Variants in DENND1B observed in about 807,000 individuals in gnomAD.
DENND1B encodes the protein DENN domain-containing protein 1B.
A neutral mutation model predicts 90.1 loss-of-function variants in DENND1B; 59 were observed. The observed-to-expected ratio is 0.65, with a 90% confidence interval of 0.53 to 0.81. The LOEUF (loss-of-function observed/expected upper bound fraction) is 0.81, where lower values mean the gene tolerates loss of function less well. Among genes scored for constraint, DENND1B ranks in the 40% least tolerant of loss-of-function variants. The pLI is 0.00. For synonymous variants in DENND1B, 337 were observed against 324.6 expected, an observed-to-expected ratio of 1.04 and a Z score of -0.41; for missense variants, 862 against 912.6, an observed-to-expected ratio of 0.94 and a Z score of 0.71.
intron 2 of DENND1B, among the ~76,000 whole-genome samples, chr1:197,745,307 G>A (rs1311100341): frequency 1.3e-5 from 2 of 152,130 alleles, no homozygotes; most frequent in East Asian, 3.9e-4. Flanking sequence ...TCCTCACTAA[G>A]CTTTATCACT....
chr1:197,570,923 A>T (rs949331183), intron 15 of DENND1B, among the ~76,000 whole-genome samples: 1 of 152,222 alleles, frequency 6.6e-6, no homozygotes, highest in Non-Finnish European at 1.5e-5. Context: ...CAGTATTAGA[A>T]AGGTTCATAA....
At position 197,775,168 on chromosome 1, in the gene DENND1B, G is replaced by T; in HGVS notation, c.-13C>A. On this transcript the variant is annotated 5_prime_UTR_variant, in exon 1 of 23. Coordinates refer to ENST00000620048, the MANE Select transcript of DENND1B (RefSeq NM_001195215.2). ...TCCTGCAGTCCATGGTTACATGTCGGTGTGGGGCTGTCCGTCCGGCCCCCG... is the reference window on the plus strand; with the variant it reads ...TCCTGCAGTCCATGGTTACATGTCGTTGTGGGGCTGTCCGTCCGGCCCCCG... The T allele has an allele frequency of 3.9e-6, 5 of 1,290,852 alleles. No homozygotes were observed. The highest frequency in any genetic ancestry group is 4.9e-6 in the Non-Finnish European group (5 of 1,012,624). The allele number at this position is 1,290,852 out of a possible 1,614,324, so 80.0% of individuals were successfully genotyped here. A position where few individuals can be genotyped will look rare whatever the true frequency, so the allele number is the denominator to read the frequency against.
At chr1:197,725,553 C>T (rs186604678) in intron 2 of DENND1B, among the ~76,000 whole-genome samples, 16 of 151,630 alleles carry the variant, frequency 1.1e-4, no homozygotes, top group African/African-American at 3.1e-4. Context: ...TGCAAGATAA[C>T]CTATATGCCC....
intron 1 of DENND1B, 59 bp from the exon 2 acceptor site, chr1:197,772,991 G>A (rs1345510776): frequency 2.9e-6 from 4 of 1,357,700 alleles, no homozygotes; most frequent in Admixed American, 4.0e-5. Context: ...CATGAAACTT[G>A]TATTTTCTTA....
chr1:197,574,095 A>G (rs1027361201), intron 15 of DENND1B, among the ~76,000 whole-genome samples: 2 of 152,224 alleles, frequency 1.3e-5, no homozygotes, highest in African/African-American at 4.8e-5. Flanking sequence ...GGCCAGGGCT[A>G]TCAGGCAAGA....
intron 20 of DENND1B, among the ~76,000 whole-genome samples, chr1:197,525,646 A>T (rs887103220): frequency 1.3e-5 from 2 of 152,112 alleles, no homozygotes; most frequent in African/African-American, 4.8e-5. Flanking sequence ...ATGTTTTCAA[A>T]AAATATACAG....
At chr1:197,662,025 T>C (rs1445384999) in intron 5 of DENND1B, among the ~76,000 whole-genome samples, 1 of 152,080 alleles carries the variant, frequency 6.6e-6, no homozygotes, top group East Asian at 1.9e-4. Flanking sequence ...TTATTACTGT[T>C]TTTTACATGT....
intron 2 of DENND1B, among the ~76,000 whole-genome samples, chr1:197,721,061 C>T (rs1003068913): frequency 2.2e-5 from 3 of 135,186 alleles, no homozygotes; most frequent in South Asian, 2.4e-4. Context: ...GCCTGAGAAA[C>T]GGCATTTTTT....
intron 3 of DENND1B, among the ~76,000 whole-genome samples, chr1:197,692,112 G>T (rs562442096): frequency 3.6e-4 from 54 of 150,168 alleles, no homozygotes; most frequent in African/African-American, 1.2e-3. Context: ...TAGATCTCAT[G>T]TATCTGTGCC....
At chr1:197,559,566 T>C (rs1671993359) in intron 15 of DENND1B, among the ~76,000 whole-genome samples, 1 of 151,942 alleles carries the variant, frequency 6.6e-6, no homozygotes, top group South Asian at 2.1e-4. Flanking sequence ...AGGTAACTAA[T>C]AGATTCAAGT....
chr1:197,610,350 G>A (rs188274104), intron 12 of DENND1B, among the ~76,000 whole-genome samples: 2 of 150,242 alleles, frequency 1.3e-5, no homozygotes, highest in African/African-American at 4.9e-5. Flanking sequence ...AGGTATCCAA[G>A]AATATATGAT....
At chr1:197,670,700 C>T (rs1558382644) in intron 5 of DENND1B, among the ~76,000 whole-genome samples, 1 of 152,052 alleles carries the variant, frequency 6.6e-6, no homozygotes, top group East Asian at 1.9e-4. Flanking sequence ...AAATCCATCT[C>T]GGGCACAGTG....
intron 2 of DENND1B, among the ~76,000 whole-genome samples, chr1:197,764,287 G>C (rs1273956590): frequency 6.6e-6 from 1 of 152,118 alleles, no homozygotes; most frequent in Non-Finnish European, 1.5e-5. Context: ...CTGAAGTGAA[G>C]ACAAATGGAA....
chr1:197,649,555 A>G (rs1447101364), intron 7 of DENND1B, among the ~76,000 whole-genome samples: 1 of 152,202 alleles, frequency 6.6e-6, no homozygotes, highest in Non-Finnish European at 1.5e-5. Context: ...AGAACCCAGA[A>G]ATAAACCCAA....
rs373439877 is a variant in DENND1B, at chr1:197,510,586, T to C, written c.2202A>G (p.Lys734=). 7.3e-5 allele frequency: 117 copies of C among 1,612,678 alleles called. No individual in the cohort carries two copies. The highest frequency in any genetic ancestry group is 9.6e-5 in the Non-Finnish European group (113 of 1,179,212). ...STFVPWEKEG[K]EAKETSEDIG... ...TATCTTCTGAAGTCTCTTTGGCTTCTTTCCCTTCTTTCTCCCAAGGAACAA... is the reference window on the plus strand; with the variant it reads ...TATCTTCTGAAGTCTCTTTGGCTTCCTTCCCTTCTTTCTCCCAAGGAACAA... The change falls in exon 23 of 23, where the codon AAA becomes AAG. Residue 734 remains lysine, a synonymous_variant. Coordinates refer to ENST00000620048, the MANE Select transcript of DENND1B (RefSeq NM_001195215.2).
At chr1:197,645,001 C>T (rs1323478690) in intron 9 of DENND1B, among the ~76,000 whole-genome samples, 1 of 151,858 alleles carries the variant, frequency 6.6e-6, no homozygotes, top group Non-Finnish European at 1.5e-5. Context: ...CATAGTTATC[C>T]AAAATCATAA....
chr1:197,762,426 T>G (rs1387446436), intron 2 of DENND1B, among the ~76,000 whole-genome samples: 2 of 152,100 alleles, frequency 1.3e-5, no homozygotes, highest in Non-Finnish European at 2.9e-5. Context: ...GCCACCAAGC[T>G]TTTTAAATAA....
intron 2 of DENND1B, among the ~76,000 whole-genome samples, chr1:197,760,909 G>A (rs1188196015): frequency 1.3e-5 from 2 of 152,098 alleles, no homozygotes; most frequent in Admixed American, 6.5e-5. Context: ...TCCACGTTTA[G>A]GGTATACAGT....
intron 2 of DENND1B, among the ~76,000 whole-genome samples, chr1:197,719,783 A>G (rs1660986506): frequency 6.6e-5 from 10 of 152,238 alleles, no homozygotes; most frequent in Admixed American, 6.5e-4. Context: ...TAAAGCTAAT[A>G]AAAAGGAAGT....
Sources: allele counts gnomAD v4.1 joint callset (sites outside exome capture counted in the v4.1 genomes callset), GRCh38; gene constraint gnomAD v4.1.1; transcripts MANE v1.5; gene names NCBI Gene and HGNC (gene_info 2026-07-23, HGNC 2026-07-21).